The following GNA14 variants were observed in gnomAD, a reference collection of about 807,000 sequenced individuals.
GNA14 encodes guanine nucleotide-binding protein subunit alpha-14.
Under a neutral mutation model 42.0 loss-of-function variants are expected in GNA14, and 50 were observed. The observed-to-expected ratio is 1.19, with a 90% CI of 0.95 to 1.51. The LOEUF (loss-of-function observed/expected upper bound fraction) is 1.51, where lower values mean the gene tolerates loss of function less well. Ranked by LOEUF, GNA14 falls within the 40% of genes most tolerant of loss-of-function variation. GNA14 has a pLI of 0.00. For missense variants in GNA14, 473 were observed against 446.2 expected (o/e 1.06, Z -0.54); for synonymous variants, 173 against 163.1 (o/e 1.06, Z -0.46).
At chr9:77,446,643 G>A (rs560978278) in intron 2 of GNA14, among the ~76,000 whole-genome samples, 3 of 152,152 alleles carry the variant, frequency 2.0e-5, no homozygotes, top group African/African-American at 7.2e-5. Flanking sequence ...GGGGTGGGGG[G>A]AGATGCTCAA....
intron 2 of GNA14, among the ~76,000 whole-genome samples, chr9:77,493,222 T>C (rs1836816208): frequency 6.6e-6 from 1 of 151,578 alleles, no homozygotes; most frequent in Non-Finnish European, 1.5e-5. Flanking sequence ...TCTACTAGAA[T>C]GAAAATGTTA....
At chr9:77,617,456 C>T (rs1223881931) in intron 1 of GNA14, among the ~76,000 whole-genome samples, 1 of 152,102 alleles carries the variant, frequency 6.6e-6, no homozygotes, top group African/African-American at 2.4e-5. Flanking sequence ...TATATCAAAT[C>T]TAACCAATTT....
chr9:77,631,777 T>C (rs1286512680), intron 1 of GNA14, among the ~76,000 whole-genome samples: 1 of 152,208 alleles, frequency 6.6e-6, no homozygotes, highest in Non-Finnish European at 1.5e-5. Context: ...ATAATGTTGA[T>C]ACTAAATGGT....
chr9:77,449,874 C>G (rs1167269372), intron 2 of GNA14, among the ~76,000 whole-genome samples: 1 of 152,212 alleles, frequency 6.6e-6, no homozygotes, highest in Non-Finnish European at 1.5e-5. Flanking sequence ...AGAACCCCTC[C>G]TTAGGCCCAG....
intron 3 of GNA14, among the ~76,000 whole-genome samples, chr9:77,432,704 G>A (rs1237779744): frequency 3.3e-5 from 5 of 152,138 alleles, no homozygotes; most frequent in African/African-American, 1.2e-4. Context: ...CCCTAGCCAC[G>A]CCCCTCGTCC....
At chr9:77,636,346 T>G (rs1026970970) in intron 1 of GNA14, among the ~76,000 whole-genome samples, 8 of 152,220 alleles carry the variant, frequency 5.3e-5, no homozygotes, top group African/African-American at 1.9e-4. Context: ...TACTTTTTTC[T>G]CTCATTCATT....
chr9:77,574,807 T>C (rs1050144726), intron 1 of GNA14, among the ~76,000 whole-genome samples: 9 of 152,194 alleles, frequency 5.9e-5, no homozygotes, highest in Non-Finnish European at 1.2e-4. Context: ...GCCTCCAACA[T>C]TGCTACAACA....
At chr9:77,554,128 G>A (rs1822727478) in intron 1 of GNA14, among the ~76,000 whole-genome samples, 1 of 152,146 alleles carries the variant, frequency 6.6e-6, no homozygotes, top group East Asian at 1.9e-4. Flanking sequence ...GCTCTCAATT[G>A]GCCTCATCTG....
intron 1 of GNA14, among the ~76,000 whole-genome samples, chr9:77,531,720 G>C (rs866420964): frequency 6.6e-5 from 10 of 152,232 alleles, no homozygotes; most frequent in Middle Eastern, 6.8e-3. Flanking sequence ...TACACTAAGA[G>C]AATCTTTTTG....
At chr9:77,635,774 G>A (rs952750498) in intron 1 of GNA14, among the ~76,000 whole-genome samples, 2 of 152,152 alleles carry the variant, frequency 1.3e-5, no homozygotes, top group East Asian at 1.9e-4. Context: ...TGAAGACTCA[G>A]ACTAACTCTG....
intron 1 of GNA14, among the ~76,000 whole-genome samples, chr9:77,543,710 G>A (rs1837687910): frequency 6.6e-6 from 1 of 152,176 alleles, no homozygotes; most frequent in African/African-American, 2.4e-5. Context: ...TGGCCAAGCA[G>A]GCTACCTTGC....
chr9:77,557,163 T>C (rs1050739878), intron 1 of GNA14, among the ~76,000 whole-genome samples: 8 of 152,034 alleles, frequency 5.3e-5, no homozygotes, highest in Non-Finnish European at 8.8e-5. Flanking sequence ...CAAGGAGGCA[T>C]GCACTACATG....
intron 1 of GNA14, among the ~76,000 whole-genome samples, chr9:77,608,840 A>G (rs1371513462): frequency 2.1e-5 from 3 of 140,480 alleles, no homozygotes; most frequent in Admixed American, 1.5e-4. Context: ...ACTCCTGTTT[A>G]TTTCTGCCCC....
chr9:77,598,066 C>G (rs555304939), intron 1 of GNA14, among the ~76,000 whole-genome samples: 2 of 152,184 alleles, frequency 1.3e-5, no homozygotes, highest in East Asian at 3.9e-4. Flanking sequence ...AAGCAAAAAA[C>G]TTTTTTGTCA....
At chr9:77,440,090 T>C (rs1415029477) in intron 2 of GNA14, among the ~76,000 whole-genome samples, 1 of 152,264 alleles carries the variant, frequency 6.6e-6, no homozygotes. Flanking sequence ...AACTCAGTGA[T>C]ACAGAAACAT....
intron 2 of GNA14, among the ~76,000 whole-genome samples, chr9:77,524,282 G>A (rs960018925): frequency 6.6e-6 from 1 of 152,144 alleles, no homozygotes; most frequent in Non-Finnish European, 1.5e-5. Flanking sequence ...CTAAATTTCC[G>A]ATAAATTTCC....
intron 1 of GNA14, among the ~76,000 whole-genome samples, chr9:77,572,979 C>T (rs1823081872): frequency 6.6e-6 from 1 of 152,156 alleles, no homozygotes; most frequent in Admixed American, 6.6e-5. Context: ...CAACAATATA[C>T]TGTCGACGCT....
intron 1 of GNA14, among the ~76,000 whole-genome samples, chr9:77,576,522 A>G (rs1823130631): frequency 6.6e-6 from 1 of 152,162 alleles, no homozygotes; most frequent in Non-Finnish European, 1.5e-5. Flanking sequence ...CTACCACTGA[A>G]GAGTTTCAGT....
chr9:77,605,355 G>C (rs1823630285), intron 1 of GNA14, among the ~76,000 whole-genome samples: 1 of 152,178 alleles, frequency 6.6e-6, no homozygotes, highest in Non-Finnish European at 1.5e-5. Context: ...TGACATCCCA[G>C]CCACCCCGGT....
Sources: gnomAD v4.1 joint callset for allele counts (sites outside exome capture counted in the v4.1 genomes callset) on GRCh38, gnomAD v4.1.1 for gene constraint, MANE v1.5 for transcripts, NCBI Gene and HGNC (gene_info 2026-07-23, HGNC 2026-07-21) for gene names.